TENM1: variants seen among roughly 807,000 people sequenced by gnomAD.
TENM1 encodes the protein teneurin transmembrane protein 1.
TENM1 carries 35 observed loss-of-function variants against 174.8 expected under a neutral mutation model. The ratio of observed to expected loss-of-function variants is 0.20; its 90% CI spans 0.15 to 0.27. The LOEUF (loss-of-function observed/expected upper bound fraction) is 0.27. Ranked by LOEUF, TENM1 falls within the 10% of genes least tolerant of loss-of-function variation. TENM1 has a pLI of 1.00. For synonymous variants in TENM1, 781 were observed against 798.7 expected (o/e 0.98, Z 0.37); for missense variants, 1,633 against 2,130.1 (o/e 0.77, Z 4.59).
intron 3 of TENM1, among the ~76,000 whole-genome samples, chrX:124,824,554 C>T (rs936006564): frequency 1.8e-5 from 2 of 111,917 alleles, no homozygotes; most frequent in Non-Finnish European, 3.8e-5. Flanking sequence ...ATACCTAATT[C>T]CCAATAATTT....
the TENM1 span, among the ~76,000 whole-genome samples, chrX:125,176,120 T>C: frequency 7.2e-5 from 8 of 111,833 alleles, no homozygotes; most frequent in Admixed American, 5.7e-4. Flanking sequence ...CACATCAGAA[T>C]TCTGTTTTCT....
At chrX:125,120,857 G>T in the TENM1 span, among the ~76,000 whole-genome samples, 46 of 110,388 alleles carry the variant, frequency 4.2e-4, no homozygotes, top group African/African-American at 1.5e-3. Flanking sequence ...ATGTATAGTT[G>T]AACAGGTCTC....
chrX:124,482,907 C>T (rs2046875373), intron 21 of TENM1, among the ~76,000 whole-genome samples: 1 of 112,129 alleles, frequency 8.9e-6, no homozygotes, highest in South Asian at 3.7e-4. Context: ...TGGAAGTCAT[C>T]CCTAATCCCT....
intron 5 of TENM1, among the ~76,000 whole-genome samples, chrX:124,683,067 A>G (rs997972608): frequency 8.9e-6 from 1 of 111,787 alleles, no homozygotes; most frequent in Admixed American, 9.5e-5. Context: ...GAGAAACTAA[A>G]TGAGGAGTAT....
In TENM1 at chrX:124,520,799, A is replaced by G; in HGVS notation, c.3034-15T>C. On this transcript the variant is annotated splice_polypyrimidine_tract_variant and intron_variant, in intron 17 of 31. Coordinates refer to ENST00000422452, the Ensembl canonical transcript of TENM1. ...TCCTGTACAACCTGAAATAAAAAAA[A>G]AAAAAAAAAGCCAAATAGGCTCTTG... 8.6e-7 allele frequency: 1 copy of G among 1,162,927 alleles called. No individual in the cohort carries two copies. The highest frequency in any genetic ancestry group is 1.1e-6 in the Non-Finnish European group (1 of 874,487).
At chrX:124,638,728 A>G (rs1257592909) in intron 11 of TENM1, among the ~76,000 whole-genome samples, 3 of 111,375 alleles carry the variant, frequency 2.7e-5, no homozygotes, top group Non-Finnish European at 5.6e-5. Context: ...CTCGCTGGCC[A>G]TATGCAAGCG....
At chrX:124,694,553 A>C (rs2052605075) in intron 5 of TENM1, among the ~76,000 whole-genome samples, 1 of 112,020 alleles carries the variant, frequency 8.9e-6, no homozygotes. Context: ...TTAAAAGGCC[A>C]ATGTTACCCT....
At chrX:124,383,949 C>G (rs1366132692) in exon 30 of TENM1, 1 of 1,210,916 alleles carries the variant, frequency 8.3e-7, no homozygotes. Flanking sequence ...AGTGGGGTAC[C>G]TGTATTATCA....
the TENM1 span, among the ~76,000 whole-genome samples, chrX:125,107,650 A>G: frequency 2.2e-3 from 247 of 111,708 alleles, 2 homozygotes; most frequent in African/African-American, 7.6e-3. Flanking sequence ...AAAAGAATTC[A>G]CACTATGCAC....
intron 11 of TENM1, among the ~76,000 whole-genome samples, chrX:124,593,155 G>A (rs753378314): frequency 8.9e-6 from 1 of 111,807 alleles, no homozygotes; most frequent in African/African-American, 3.3e-5. Context: ...CCAGTGCCAA[G>A]TGATAATCCA....
intron 3 of TENM1, among the ~76,000 whole-genome samples, chrX:124,795,326 T>C (rs1375733831): frequency 1.8e-5 from 2 of 112,392 alleles, no homozygotes; most frequent in African/African-American, 3.2e-5. Flanking sequence ...GTTTCAATAC[T>C]TGTTGAATGC....
At chrX:124,405,303 G>T in intron 26 of TENM1, 37 bp from the exon 30 acceptor site, 1 of 1,100,042 alleles carries the variant, frequency 9.1e-7, no homozygotes, top group South Asian at 1.9e-5. Context: ...GAGGGGGAAG[G>T]AAGGGAAGAG....
chrX:124,588,672 C>T (rs1320778746), intron 11 of TENM1, among the ~76,000 whole-genome samples: 1 of 109,824 alleles, frequency 9.1e-6, no homozygotes, highest in Middle Eastern at 4.2e-3. Context: ...TACACATGTA[C>T]CCTAAAACTT....
chrX:124,551,340 C>T (rs967717978), intron 14 of TENM1, among the ~76,000 whole-genome samples: 2 of 111,183 alleles, frequency 1.8e-5, no homozygotes, highest in East Asian at 2.8e-4. Flanking sequence ...AAGTAGACAA[C>T]CGCATGGTGG....
chrX:125,055,749 A>G, the TENM1 span, among the ~76,000 whole-genome samples: 74 of 111,919 alleles, frequency 6.6e-4, no homozygotes, highest in African/African-American at 2.1e-3. Flanking sequence ...ACAGAGTTTC[A>G]TTATAAACCT....
intron 11 of TENM1, among the ~76,000 whole-genome samples, chrX:124,621,145 T>C (rs2050508655): frequency 8.9e-6 from 1 of 112,083 alleles, no homozygotes; most frequent in African/African-American, 3.2e-5. Context: ...TTTCAGATTT[T>C]GAAATATTTG....
chrX:124,994,786 AT>A, the TENM1 span, among the ~76,000 whole-genome samples: 1 of 111,153 alleles, frequency 9.0e-6, no homozygotes, highest in African/African-American at 3.3e-5. Flanking sequence ...CCACAGTCTC[AT>A]AAGTGATCTC....
chrX:124,824,892 G>T (rs1245520735), intron 3 of TENM1, among the ~76,000 whole-genome samples: 1 of 110,768 alleles, frequency 9.0e-6, no homozygotes, highest in African/African-American at 3.3e-5. Flanking sequence ...TTTAGGGTGG[G>T]ATGTTGGCCA....
chrX:124,648,843 T>G (rs2051226756), intron 8 of TENM1, among the ~76,000 whole-genome samples: 1 of 112,101 alleles, frequency 8.9e-6, no homozygotes, highest in African/African-American at 3.2e-5. Context: ...GTAGCTCTTC[T>G]GGAAAAAATG....
Sources: allele counts gnomAD v4.1 joint callset (sites outside exome capture counted in the v4.1 genomes callset), GRCh38; gene constraint gnomAD v4.1.1; transcripts MANE v1.5; gene names NCBI Gene and HGNC (gene_info 2026-07-23, HGNC 2026-07-21).